Variants in CNTN5 observed in about 807,000 individuals in gnomAD.
CNTN5 encodes the protein contactin-5.
CNTN5 carries 77 observed loss-of-function variants against 129.1 expected under a neutral mutation model. The ratio of observed to expected loss-of-function variants is 0.60; its 90% confidence interval spans 0.50 to 0.72. The LOEUF (loss-of-function observed/expected upper bound fraction) is 0.72, where lower values mean the gene tolerates loss of function less well. CNTN5 is among the 30% of genes least tolerant of loss of function. CNTN5 has a pLI of 0.00. For synonymous variants in CNTN5, 509 were observed against 465.6 expected (o/e 1.09, Z -1.20); for missense variants, 1,478 against 1,328.8 (o/e 1.11, Z -1.75).
chr11:99,492,231 TAA>T (rs1946064650), intron 2 of CNTN5, among the ~76,000 whole-genome samples: 2 of 152,188 alleles, frequency 1.3e-5, no homozygotes, highest in Non-Finnish European at 2.9e-5. Flanking sequence ...CATTCTTCGT[TAA>T]AAGTCTCCTC....
Position 100,118,759 on chromosome 11 carries a change from G to A in CNTN5, c.1580+44465G>A, listed in dbSNP as rs185793190. ...AATAAGCCATTTTAATGCATAGAAT[G>A]TGTTTTCTCTTTTCAAGAATACCCA... On this transcript the variant is annotated intron_variant, in intron 13 of 24. Transcript: ENST00000524871. Among the ~76,000 whole-genome samples the A allele has an allele frequency of 1.3e-4, 20 of 151,908 alleles. No individual in the cohort carries two copies. The East Asian group carries it at 3.9e-3, about 29-fold the overall frequency.
intron 3 of CNTN5, among the ~76,000 whole-genome samples, chr11:99,715,821 C>T (rs1955194910): frequency 6.6e-6 from 1 of 151,486 alleles, no homozygotes. Context: ...CCTTTCCCTG[C>T]CAAAAAAATG....
intron 9 of CNTN5, among the ~76,000 whole-genome samples, chr11:100,053,407 A>C (rs1943060881): frequency 6.6e-6 from 1 of 151,760 alleles, no homozygotes; most frequent in Non-Finnish European, 1.5e-5. Context: ...GGGAAGGAAA[A>C]AATGCAACAT....
chr11:100,256,637 C>T (rs1215849062), intron 17 of CNTN5, among the ~76,000 whole-genome samples: 3 of 152,066 alleles, frequency 2.0e-5, no homozygotes, highest in Non-Finnish European at 4.4e-5. Context: ...ACAGTGGGTG[C>T]AGCCCATGGA....
intron 6 of CNTN5, among the ~76,000 whole-genome samples, chr11:99,890,027 A>C (rs1201325623): frequency 6.6e-6 from 1 of 152,192 alleles, no homozygotes; most frequent in African/African-American, 2.4e-5. Context: ...TTAATCACAT[A>C]TGTTTTCTCA....
chr11:99,591,337 C>CA (rs1555040240), intron 3 of CNTN5, among the ~76,000 whole-genome samples: 1 of 113,100 alleles, frequency 8.8e-6, no homozygotes, highest in Non-Finnish European at 1.7e-5. Flanking sequence ...TCAACAAAAC[C>CA]TTTTTTTTTT....
chr11:100,258,626 C>CCAACATTCAACATT (rs199780632), intron 17 of CNTN5, among the ~76,000 whole-genome samples: 2 of 151,660 alleles, frequency 1.3e-5, no homozygotes, highest in East Asian at 2.0e-4. Flanking sequence ...AGAGTGGGGG[C>CCAACATTCAACATT]CAACATTCAA....
At chr11:100,286,322 G>T (rs1192365816) in intron 18 of CNTN5, among the ~76,000 whole-genome samples, 7 of 152,122 alleles carry the variant, frequency 4.6e-5, no homozygotes, top group African/African-American at 1.7e-4. Context: ...CAAACAAAAA[G>T]ACAGCAGGAA....
chr11:99,526,311 C>T (rs1358497360), intron 2 of CNTN5, among the ~76,000 whole-genome samples: 1 of 152,170 alleles, frequency 6.6e-6, no homozygotes, highest in Non-Finnish European at 1.5e-5. Context: ...GGGAACAAGA[C>T]CTACCAGCCA....
At position 100,093,127 on chromosome 11, in the gene CNTN5, G is replaced by A. The variant is rs373452873; in HGVS notation, c.1580+18833G>A. 5.9e-5 allele frequency among the ~76,000 whole-genome samples: 9 copies of A among 152,126 alleles called. No homozygotes were observed. In the South Asian group the frequency reaches 8.3e-4, roughly 14 times the overall value. On this transcript the variant is annotated intron_variant, in intron 13 of 24. Coordinates refer to ENST00000524871, the MANE Select transcript of CNTN5 (RefSeq NM_014361.4). Reference sequence around the variant, plus strand: ...CGCCATACATGTTCTGCAACAGTGCGGGGTTGACTCAAAGACAACAAGAGT... The same window carrying A: ...CGCCATACATGTTCTGCAACAGTGCAGGGTTGACTCAAAGACAACAAGAGT...
Position 100,042,227 on chromosome 11 carries a change from C to CTCT in CNTN5, c.981-18984_981-18983insCTT, listed in dbSNP as rs771110426. 1.0e-4 allele frequency among the ~76,000 whole-genome samples: 14 copies of CTCT among 140,632 alleles called. No individual in the cohort carries two copies. The East Asian group carries it at 1.2e-3, about 12-fold the overall frequency. 92.3% of individuals were successfully genotyped at this position (140,632 alleles called of 152,430 possible). ...TTAGTGGTTTAGTTTTGTTCTCTCT[C>CTCT]TTTTTTTTTTTTGAGATACAGAATC... On this transcript the variant is annotated intron_variant, in intron 9 of 24. Coordinates refer to ENST00000524871, the MANE Select transcript of CNTN5 (RefSeq NM_014361.4).
chr11:99,834,647 G>A (rs1947247228), intron 4 of CNTN5, among the ~76,000 whole-genome samples: 2 of 152,086 alleles, frequency 1.3e-5, no homozygotes, highest in South Asian at 2.1e-4. Context: ...CAATCACAAA[G>A]GAAGAGCATA....
At chr11:99,854,092 A>G (rs978886302) in intron 6 of CNTN5, among the ~76,000 whole-genome samples, 2 of 152,202 alleles carry the variant, frequency 1.3e-5, no homozygotes, top group Non-Finnish European at 2.9e-5. Flanking sequence ...TATAGTGAGC[A>G]ATGGACATAT....
At chr11:100,329,422 C>T (rs1007854535) in intron 21 of CNTN5, among the ~76,000 whole-genome samples, 2 of 152,250 alleles carry the variant, frequency 1.3e-5, no homozygotes, top group Non-Finnish European at 2.9e-5. Context: ...AACCTGAATA[C>T]TTAAACAGCT....
At chr11:100,042,601 A>T (rs1031974519) in intron 9 of CNTN5, among the ~76,000 whole-genome samples, 2 of 152,162 alleles carry the variant, frequency 1.3e-5, no homozygotes, top group Non-Finnish European at 2.9e-5. Flanking sequence ...TCTACACATT[A>T]CCTCATCATA....
intron 16 of CNTN5, among the ~76,000 whole-genome samples, chr11:100,232,504 G>A (rs995191907): frequency 3.9e-5 from 6 of 152,210 alleles, no homozygotes; most frequent in Non-Finnish European, 5.9e-5. Flanking sequence ...GGTAGATGGA[G>A]AGATGCAAGC....
At chr11:99,670,156 C>A (rs1320680923) in intron 3 of CNTN5, among the ~76,000 whole-genome samples, 1 of 152,124 alleles carries the variant, frequency 6.6e-6, no homozygotes, top group Admixed American at 6.6e-5. Context: ...CCACTCCCCA[C>A]TATTTATGTA....
intron 3 of CNTN5, among the ~76,000 whole-genome samples, chr11:99,663,449 CAG>C (rs1952669902): frequency 6.6e-6 from 1 of 152,174 alleles, no homozygotes; most frequent in Non-Finnish European, 1.5e-5. Context: ...TCCTGGGTAA[CAG>C]AGCGAGACTC....
chr11:99,252,567 A>C (rs1486017249), intron 1 of CNTN5, among the ~76,000 whole-genome samples: 6 of 151,762 alleles, frequency 4.0e-5, no homozygotes, highest in Admixed American at 1.3e-4. Context: ...TTAGGAGTGT[A>C]TAAACATCCC....
Sources: gnomAD v4.1 joint callset for allele counts (sites outside exome capture counted in the v4.1 genomes callset) on GRCh38, gnomAD v4.1.1 for gene constraint, MANE v1.5 for transcripts, NCBI Gene and HGNC (gene_info 2026-07-23, HGNC 2026-07-21) for gene names.